Variants in AGO3 observed in about 807,000 individuals in gnomAD.
The protein encoded by AGO3 is argonaute RISC catalytic component 3, also known as protein argonaute-3.
A neutral mutation model predicts 105.5 loss-of-function variants in AGO3; 16 were observed. That is an observed-to-expected ratio of 0.15 (90% CI 0.10 to 0.23). The LOEUF is 0.23. Among genes scored for constraint, AGO3 ranks in the 10% least tolerant of loss-of-function variants. The pLI is 1.00. For synonymous variants in AGO3, 340 were observed against 367.3 expected (o/e 0.93, Z 0.85); for missense variants, 534 against 1,088.0 (o/e 0.49, Z 7.16).
At chr1:36,017,690 C>G (rs1445046882) in intron 11 of AGO3, among the ~76,000 whole-genome samples, 1 of 152,040 alleles carries the variant, frequency 6.6e-6, no homozygotes, top group Non-Finnish European at 1.5e-5. Flanking sequence ...ATTGCTTGAG[C>G]TCAGGAGTTC....
intron 5 of AGO3, among the ~76,000 whole-genome samples, chr1:35,980,829 A>G (rs992759211): frequency 2.0e-5 from 3 of 152,112 alleles, no homozygotes; most frequent in East Asian, 1.9e-4. Context: ...AAATTACTAG[A>G]TGTTTTCTTA....
chr1:36,041,058 G>A (rs1267975516), intron 16 of AGO3, among the ~76,000 whole-genome samples: 8 of 109,300 alleles, frequency 7.3e-5, no homozygotes, highest in Admixed American at 1.2e-4. Flanking sequence ...GGGCAAGAGA[G>A]CAAAACTCCA....
intron 11 of AGO3, 83 bp downstream of exon 11, chr1:36,014,131 C>T: frequency 6.4e-7 from 1 of 1,563,680 alleles, no homozygotes; most frequent in Non-Finnish European, 8.7e-7. Flanking sequence ...ACAGATGTTG[C>T]CTTAATATGA....
rs563907433 is a variant in AGO3 at position 36,043,661 on chromosome 1, C to G, written c.2274+113C>G. On this transcript the variant is annotated intron_variant, in intron 17 of 18. Transcript: ENST00000373191. ...ATACTCTTTGCATTCCAAATTGTTTCCACATGAAATTAGATGAAACTTTCA... is the reference window on the plus strand; with the variant it reads ...ATACTCTTTGCATTCCAAATTGTTTGCACATGAAATTAGATGAAACTTTCA... 15 of 896,032 alleles carry G rather than the reference C, an allele frequency of 1.7e-5. No homozygotes were observed. The East Asian group carries it at 2.8e-4, about 17-fold the overall frequency. The allele number at this position is 896,032 out of a possible 1,614,324, so 55.5% of individuals were successfully genotyped here.
chr1:36,009,419 A>G, intron 8 of AGO3, 56 bp from the exon 9 acceptor site: 1 of 1,528,096 alleles, frequency 6.5e-7, no homozygotes, highest in Non-Finnish European at 8.8e-7. Flanking sequence ...GGCACTAAGT[A>G]AGAGCTAAAA....
At chr1:36,018,739 G>GT (rs1017913142) in intron 11 of AGO3, among the ~76,000 whole-genome samples, 9 of 151,930 alleles carry the variant, frequency 5.9e-5, no homozygotes, top group Non-Finnish European at 1.0e-4. Context: ...CCAATATGAG[G>GT]TTTTTTTTAT....
chr1:36,049,802 T>C (rs548225365), intron 17 of AGO3, among the ~76,000 whole-genome samples: 44 of 152,118 alleles, frequency 2.9e-4, no homozygotes, highest in African/African-American at 9.2e-4. Context: ...TCAAAAACTA[T>C]AAAATGAGAC....
chr1:35,981,473 T>C (rs1647052124), intron 5 of AGO3, among the ~76,000 whole-genome samples: 3 of 152,194 alleles, frequency 2.0e-5, no homozygotes, highest in Admixed American at 2.0e-4. Flanking sequence ...TTAAGTAATA[T>C]GAACTACCAG....
At chr1:35,996,752 C>T (rs1021107805) in intron 5 of AGO3, among the ~76,000 whole-genome samples, 12 of 144,650 alleles carry the variant, frequency 8.3e-5, no homozygotes, top group African/African-American at 3.2e-4. Context: ...GCCTGGGCGA[C>T]GAGCAAAACT....
At chr1:36,036,353 C>G in intron 14 of AGO3, 86 bp downstream of exon 14, 1 of 1,244,920 alleles carries the variant, frequency 8.0e-7, no homozygotes, top group Non-Finnish European at 1.2e-6. Context: ...TTAATATTTT[C>G]TTTGTAGCCA....
At position 36,060,501 on chromosome 1, in the gene AGO3, A is replaced by C. The variant is rs1434597826; in HGVS notation, c.*4756A>C. ...TTTAGAGCCCTACATGAATTTGCCA[A>C]GGGCAGTGATTTTTATGAAATTCAA... On this transcript the variant is annotated 3_prime_UTR_variant, in exon 19 of 19. Coordinates refer to ENST00000373191, the MANE Select transcript of AGO3 (RefSeq NM_024852.4). 1.3e-5 allele frequency: 2 copies of C among 152,214 alleles called. No homozygotes were observed. The highest frequency in any genetic ancestry group is 4.8e-5 in the African/African-American group (2 of 41,460). The allele number at this position is 152,214 out of a possible 1,614,324, so 9.4% of individuals were successfully genotyped here. A position where few individuals can be genotyped will look rare whatever the true frequency, so the allele number is the denominator to read the frequency against.
At chr1:36,003,609 G>A (rs1042932181) in intron 5 of AGO3, among the ~76,000 whole-genome samples, 8 of 148,520 alleles carry the variant, frequency 5.4e-5, no homozygotes, top group African/African-American at 1.2e-4. Context: ...CAGGAGAATC[G>A]CTTGAACCCG....
rs777721668 is a variant in AGO3 at position 36,060,766 on chromosome 1, A to G, written c.*5021A>G. ...CCTTTTATTAGTTAGTCAAGCTGCA[A>G]AAATATCATTAGTGTGGCGTCTTTA... On this transcript the variant is annotated 3_prime_UTR_variant, in exon 19 of 19. Coordinates refer to ENST00000373191, the MANE Select transcript of AGO3 (RefSeq NM_024852.4). 1.1e-4 allele frequency: 17 copies of G among 152,214 alleles called. No homozygotes were observed. Among genetic ancestry groups the G allele is most frequent in the Non-Finnish European group, 2.1e-4 (14 of 68,032 alleles). 9.4% of individuals were successfully genotyped at this position (152,214 alleles called of 1,614,324 possible).
chr1:35,947,133 G>T (rs2148751141), intron 2 of AGO3, among the ~76,000 whole-genome samples: 1 of 152,088 alleles, frequency 6.6e-6, no homozygotes, highest in South Asian at 2.1e-4. Context: ...ATTTTTGAAG[G>T]AAGGATAGCA....
At chr1:35,995,157 C>G (rs1262101353) in intron 5 of AGO3, among the ~76,000 whole-genome samples, 1 of 147,558 alleles carries the variant, frequency 6.8e-6, no homozygotes, top group African/African-American at 2.5e-5. Flanking sequence ...GCCGAGGTAT[C>G]ACCACTGCAC....
chr1:35,943,793 G>A (rs934747276), intron 1 of AGO3, among the ~76,000 whole-genome samples: 2 of 151,114 alleles, frequency 1.3e-5, no homozygotes, highest in Non-Finnish European at 2.9e-5. Context: ...TACAAACGGG[G>A]TTTTACCATG....
At chr1:35,966,547 CATT>C (rs1199777641) in intron 2 of AGO3, among the ~76,000 whole-genome samples, 3 of 152,096 alleles carry the variant, frequency 2.0e-5, no homozygotes, top group African/African-American at 7.2e-5. Flanking sequence ...AATATATAAT[CATT>C]ATAATAGACA....
At chr1:35,945,225 T>TA (rs1646340596) in intron 1 of AGO3, among the ~76,000 whole-genome samples, 2 of 151,824 alleles carry the variant, frequency 1.3e-5, no homozygotes, top group African/African-American at 4.8e-5. Context: ...TTTTTTTTTT[T>TA]AAATAGAGAC....
intron 2 of AGO3, 106 bp from the exon 3 acceptor site, chr1:35,966,849 T>G: frequency 7.9e-7 from 1 of 1,266,638 alleles, no homozygotes; most frequent in Non-Finnish European, 1.0e-6. Flanking sequence ...TATGAATATT[T>G]TTTAGAATTT....
Sources: allele counts gnomAD v4.1 joint callset (sites outside exome capture counted in the v4.1 genomes callset), GRCh38; gene constraint gnomAD v4.1.1; transcripts MANE v1.5; gene names NCBI Gene and HGNC (gene_info 2026-07-23, HGNC 2026-07-21).